The following SPOPL variants were observed in gnomAD, a reference collection of about 807,000 sequenced individuals.
SPOPL encodes the protein speckle-type POZ protein-like.
SPOPL carries 23 observed loss-of-function variants against 53.8 expected under a neutral mutation model. The ratio of observed to expected loss-of-function variants is 0.43; its 90% CI spans 0.31 to 0.61. SPOPL has a LOEUF of 0.61. SPOPL is among the 20% of genes least tolerant of loss of function. SPOPL has a pLI of 0.12. For missense variants in SPOPL, 442 were observed against 466.9 expected (o/e 0.95, Z 0.49); for synonymous variants, 164 against 149.7 (o/e 1.10, Z -0.70).
intron 1 of SPOPL, among the ~76,000 whole-genome samples, chr2:138,522,304 T>G (rs982276426): frequency 6.6e-6 from 1 of 152,152 alleles, no homozygotes; most frequent in Admixed American, 6.5e-5. Context: ...CCTGATACAA[T>G]TGACTGAAAA....
intron 1 of SPOPL, among the ~76,000 whole-genome samples, chr2:138,546,076 T>G (rs777734832): frequency 6.6e-6 from 1 of 152,176 alleles, no homozygotes; most frequent in Non-Finnish European, 1.5e-5. Flanking sequence ...TTTTTTGTTT[T>G]CTGAATATTT....
chr2:138,501,820 G>C lies in SPOPL; in HGVS notation c.-360G>C, dbSNP rs985203769. 1 of 152,544 alleles carries C rather than the reference G, an allele frequency of 6.6e-6. No homozygotes were observed. Among genetic ancestry groups the C allele is most frequent in the Non-Finnish European group, 1.5e-5 (1 of 68,198 alleles). The allele number at this position is 152,544 out of a possible 1,614,324, so 9.4% of individuals were successfully genotyped here. ...GGCTGGAGTCGTAACTCGGAAGCCG[G>C]AGCCCAGACGGGCCCGCGGCGGGGG... On this transcript the variant is annotated 5_prime_UTR_variant, in exon 1 of 11. Coordinates refer to ENST00000280098, the MANE Select transcript of SPOPL (RefSeq NM_001001664.3).
intron 1 of SPOPL, among the ~76,000 whole-genome samples, chr2:138,548,889 T>C (rs1276574455): frequency 1.3e-5 from 2 of 152,176 alleles, no homozygotes; most frequent in Non-Finnish European, 2.9e-5. Context: ...TTTAATTAAC[T>C]ATGAATTTGC....
chr2:138,555,168 G>A (rs1473873312), intron 5 of SPOPL, among the ~76,000 whole-genome samples: 2 of 148,414 alleles, frequency 1.3e-5, no homozygotes, highest in African/African-American at 5.2e-5. Flanking sequence ...GTGTGTGTGT[G>A]TGCGAGCCAG....
chr2:138,558,647 G>C (rs1282247246), intron 5 of SPOPL, among the ~76,000 whole-genome samples: 2 of 152,022 alleles, frequency 1.3e-5, no homozygotes, highest in Admixed American at 1.3e-4. Flanking sequence ...AATGTAGGTA[G>C]GTTTGAAGTG....
At chr2:138,525,662 A>AAACAAAAC (rs1553468787) in intron 1 of SPOPL, among the ~76,000 whole-genome samples, 11 of 104,576 alleles carry the variant, frequency 1.1e-4, no homozygotes, top group Admixed American at 2.1e-4. Flanking sequence ...AGTAGAAAAA[A>AAACAAAAC]AAAAAAAAAA....
At chr2:138,540,066 C>T (rs1685034044) in intron 1 of SPOPL, among the ~76,000 whole-genome samples, 1 of 152,112 alleles carries the variant, frequency 6.6e-6, no homozygotes, top group Non-Finnish European at 1.5e-5. Flanking sequence ...AGATACGCGG[C>T]ATTCTTTCTG....
chr2:138,513,292 G>A lies in SPOPL; in HGVS notation c.-61+11173G>A, dbSNP rs150542262. On this transcript the variant is annotated intron_variant, in intron 1 of 10. Transcript: ENST00000280098. ...AATTAGGCCGGGCATAGTGGCCCAC[G>A]CCGGTAATCCCAGCACTTTGGGAGG... Among the ~76,000 whole-genome samples, 294 of 152,280 alleles carry A rather than the reference G, an allele frequency of 1.9e-3. 6 individuals carry two copies. Among genetic ancestry groups the A allele is most frequent in the Middle Eastern group, 3.4e-3 (1 of 294 alleles).
intron 1 of SPOPL, among the ~76,000 whole-genome samples, chr2:138,548,011 T>C (rs551780410): frequency 6.6e-6 from 1 of 152,278 alleles, no homozygotes; most frequent in African/African-American, 2.4e-5. Context: ...TTCACAGTTA[T>C]AATCATTTTC....
chr2:138,509,671 C>T (rs1020528169), intron 1 of SPOPL, among the ~76,000 whole-genome samples: 5 of 152,270 alleles, frequency 3.3e-5, no homozygotes, highest in Admixed American at 3.3e-4. Context: ...ATTTTCCATA[C>T]ATCCCTCGCA....
intron 1 of SPOPL, among the ~76,000 whole-genome samples, chr2:138,518,906 CTCTA>C (rs1684500570): frequency 6.6e-6 from 1 of 152,170 alleles, no homozygotes. Flanking sequence ...TGTAAACAAG[CTCTA>C]TCTTTGAGTT....
intron 1 of SPOPL, among the ~76,000 whole-genome samples, chr2:138,519,233 C>A (rs1322791312): frequency 1.3e-5 from 2 of 152,030 alleles, no homozygotes; most frequent in African/African-American, 4.8e-5. Context: ...AACATTAATT[C>A]TTTACTAGTG....
At chr2:138,517,669 G>A (rs1269824716) in intron 1 of SPOPL, among the ~76,000 whole-genome samples, 2 of 151,846 alleles carry the variant, frequency 1.3e-5, no homozygotes, top group South Asian at 2.1e-4. Flanking sequence ...GAACCCAGGA[G>A]GTGAGCTTGC....
rs192189829 is a variant in SPOPL at position 138,558,887 on chromosome 2, G to C, written c.481-135G>C. Reference sequence around the variant, plus strand: ...ATTGTGTTTTTAATTTCAGTTTCTGGATATTAGAAATTTTGATTAGGAGTA... The same window carrying C: ...ATTGTGTTTTTAATTTCAGTTTCTGCATATTAGAAATTTTGATTAGGAGTA... On this transcript the variant is annotated intron_variant, in intron 5 of 10. Transcript: ENST00000280098. The C allele has an allele frequency of 4.0e-4, 225 of 558,144 alleles. 2 individuals carry two copies. The highest frequency in any genetic ancestry group is 4.2e-4 in the Non-Finnish European group (148 of 356,442). The allele number at this position is 558,144 out of a possible 1,614,324, so 34.6% of individuals were successfully genotyped here. A position where few individuals can be genotyped will look rare whatever the true frequency, so the allele number is the denominator to read the frequency against.
At chr2:138,532,593 A>ATTTTTTTTTTTTTTTTTTTTT in intron 1 of SPOPL, among the ~76,000 whole-genome samples, 2 of 111,874 alleles carry the variant, frequency 1.8e-5, no homozygotes, top group Non-Finnish European at 3.5e-5. Context: ...CGCCCGGCTA[A>ATTTTTTTTTTTTTTTTTTTTT]TTTTTTTTTT....
intron 1 of SPOPL, among the ~76,000 whole-genome samples, chr2:138,516,797 A>G (rs73959457): frequency 0.012 from 1,770 of 152,334 alleles, 38 homozygotes; most frequent in African/African-American, 0.04. Flanking sequence ...AGAACTCTTA[A>G]TTGCTCCATA....
At chr2:138,505,771 A>G (rs1684204282) in intron 1 of SPOPL, among the ~76,000 whole-genome samples, 1 of 151,944 alleles carries the variant, frequency 6.6e-6, no homozygotes, top group Admixed American at 6.6e-5. Context: ...AAAATAAAAT[A>G]ATAATAATTA....
intron 1 of SPOPL, among the ~76,000 whole-genome samples, chr2:138,516,986 T>C (rs1684453266): frequency 6.6e-6 from 1 of 152,206 alleles, no homozygotes; most frequent in South Asian, 2.1e-4. Flanking sequence ...TAGACAAATG[T>C]GAAGTTGTGC....
chr2:138,552,762 A>C, intron 5 of SPOPL, 81 bp downstream of exon 5: 1 of 1,430,422 alleles, frequency 7.0e-7, no homozygotes, highest in Non-Finnish European at 9.4e-7. Flanking sequence ...ATAACACTTT[A>C]AAATTAAGTA....
Sources: gnomAD v4.1 joint callset for allele counts (sites outside exome capture counted in the v4.1 genomes callset) on GRCh38, gnomAD v4.1.1 for gene constraint, MANE v1.5 for transcripts, NCBI Gene and HGNC (gene_info 2026-07-23, HGNC 2026-07-21) for gene names.